The following ZXDC variants were observed in gnomAD, a reference collection of about 807,000 sequenced individuals.
ZXDC encodes the protein ZXD family zinc finger C, also known as zinc finger protein ZXDC.
Under a neutral mutation model 63.6 loss-of-function variants are expected in ZXDC, and 58 were observed. The ratio of observed to expected loss-of-function variants is 0.91; its 90% confidence interval spans 0.74 to 1.13. The LOEUF (loss-of-function observed/expected upper bound fraction) is 1.13, where lower values mean the gene tolerates loss of function less well. Among genes scored for constraint, ZXDC ranks in the 50% most tolerant of loss-of-function variants. The pLI is 0.00. For missense variants in ZXDC, 1,133 were observed against 1,148.9 expected, an observed-to-expected ratio of 0.99 and a Z score of 0.20; for synonymous variants, 561 against 496.1, an observed-to-expected ratio of 1.13 and a Z score of -1.74.
chr3:126,438,208 T>C lies in ZXDC; in HGVS notation c.*167A>G, dbSNP rs11711529. 1.5e-6 allele frequency: 1 copy of C among 656,868 alleles called. No individual in the cohort carries two copies. Among genetic ancestry groups the C allele is most frequent in the African/African-American group, 1.8e-5 (1 of 55,206 alleles). The allele number at this position is 656,868 out of a possible 1,614,324, so 40.7% of individuals were successfully genotyped here. On this transcript the variant is annotated 3_prime_UTR_variant, in exon 10 of 10. Coordinates refer to ENST00000389709, the MANE Select transcript of ZXDC (RefSeq NM_025112.5). ...GAGTATAGCCCGAACTCATTCCTGG[T>C]AAAACAAAAGGAAAACATTTTTGAT...
rs946148635 is a variant in ZXDC, at chr3:126,454,882, TAAAG to T, written c.2212+4767_2212+4770del. The T allele has an allele frequency of 2.9e-5, 29 of 985,440 alleles. No individual in the cohort carries two copies. In the Middle Eastern group the frequency reaches 1.6e-3, roughly 53 times the overall value. 61.0% of individuals were successfully genotyped at this position (985,440 alleles called of 1,614,324 possible). On this transcript the variant is annotated intron_variant, in intron 7 of 9. Transcript: ENST00000389709. The stretch of plus-strand genomic sequence containing the variant: ...AAGGGGAGAATCTCAATACTCAAGA[TAAAG>T]AAATTCACACATTTTATTTTCTACA...
chr3:126,457,748 G>C, intron 7 of ZXDC: 2 of 732,884 alleles, frequency 2.7e-6, no homozygotes, highest in Non-Finnish European at 3.3e-6. Context: ...CCACCGTTTA[G>C]AGTAACCCCT....
chr3:126,441,228 G>GGGGCCT (rs1202515788), intron 8 of ZXDC: 9 of 985,772 alleles, frequency 9.1e-6, no homozygotes, highest in Non-Finnish European at 1.1e-5. Flanking sequence ...CAGGCTGGGA[G>GGGGCCT]GGGCCTGGGC....
At chr3:126,453,606 T>C in intron 7 of ZXDC, 1 of 985,448 alleles carries the variant, frequency 1.0e-6, no homozygotes. Context: ...AGGAGAAAGC[T>C]GAACGTGCAG....
Position 126,475,417 on chromosome 3 carries a change from G to A in ZXDC, c.449C>T (p.Pro150Leu). 8.4e-7 allele frequency: 1 copy of A among 1,185,416 alleles called. No individual in the cohort carries two copies. The highest frequency in any genetic ancestry group is 1.0e-6 in the Non-Finnish European group (1 of 958,304). The allele number at this position is 1,185,416 out of a possible 1,614,324, so 73.4% of individuals were successfully genotyped here. ...LDRGVLALSA[P>L]PGPATAGAAA... ...GGCGCCCGCGGTTGCGGGGCCGGGC[G>A]GCGCAGACAGCGCGAGGACGCCGCG... is the stretch of plus-strand genomic sequence containing the variant. The change falls in exon 1 of 10, where the codon CCG (proline) becomes CTG (leucine). Residue 150 changes from proline (P) to leucine (L), a missense_variant. Coordinates refer to ENST00000389709, the MANE Select transcript of ZXDC (RefSeq NM_025112.5).
At chr3:126,440,916 T>C (rs1289368205) in intron 8 of ZXDC, 2 of 985,496 alleles carry the variant, frequency 2.0e-6, no homozygotes, top group African/African-American at 1.7e-5. Flanking sequence ...AACGTGCCTG[T>C]TTCCCAACTC....
rs774684129 is a variant in ZXDC, at chr3:126,472,238, T to C, written c.975A>G (p.Gln325=). The change falls in exon 2 of 10, where the codon CAA becomes CAG. Residue 325 remains glutamine (Q), a synonymous_variant. Coordinates refer to ENST00000389709, the MANE Select transcript of ZXDC (RefSeq NM_025112.5). ...CAGGAAAGGAGCAGGAAAAGAGCTC[T>C]TGTTCCCTGAAGTGGGCTCGGTTAT... The part of the protein sequence containing the change: ...FSHNRAHFRE[Q]ELFSCSFPGC... 5 of 1,613,618 alleles carry C rather than the reference T, an allele frequency of 3.1e-6. No homozygotes were observed. Among genetic ancestry groups the C allele is most frequent in the Non-Finnish European group, 4.2e-6 (5 of 1,179,490 alleles).
chr3:126,448,877 G>A (rs961744363), intron 7 of ZXDC, among the ~76,000 whole-genome samples: 2 of 152,256 alleles, frequency 1.3e-5, no homozygotes, highest in African/African-American at 4.8e-5. Flanking sequence ...GAAGCGCTGA[G>A]AGGAGCCTGG....
chr3:126,450,533 A>C (rs778386939), intron 7 of ZXDC: 5 of 456,598 alleles, frequency 1.1e-5, no homozygotes, highest in South Asian at 7.7e-5. Flanking sequence ...CACAGGAGCC[A>C]CATGCATGTG....
At chr3:126,455,987 A>G (rs1934292272) in intron 7 of ZXDC, among the ~76,000 whole-genome samples, 2 of 152,030 alleles carry the variant, frequency 1.3e-5, no homozygotes, top group Non-Finnish European at 2.9e-5. Context: ...GCGACAGAGC[A>G]AGACTCCATC....
intron 7 of ZXDC, chr3:126,450,613 AGGGCCCCT>A (rs1278846324): frequency 6.7e-6 from 3 of 446,458 alleles, no homozygotes; most frequent in Admixed American, 4.8e-5. Flanking sequence ...CTGCTGACCC[AGGGCCCCT>A]ACCCGCATCT....
chr3:126,460,698 C>A, intron 6 of ZXDC: 1 of 985,374 alleles, frequency 1.0e-6, no homozygotes. Context: ...AAGCAAGACA[C>A]CAGAAATGCA....
Position 126,461,848 on chromosome 3 carries a change from C to T in ZXDC, c.1814G>A (p.Ser605Asn), listed in dbSNP as rs202103851. ...SFSVDDVQTV[S>N]AGALGCLVAL... ...CACCAGACAGCCTAATGCTCCTGCA[C>T]TCACAGTCTGCACGTCATCCACACT... Residue 605 changes from serine to asparagine, a missense_variant, in exon 6 of 10, where the codon AGT (serine) becomes AAT (asparagine). Physicochemically the swap from Ser to Asn is conservative, Grantham distance 46. Coordinates refer to ENST00000389709, the MANE Select transcript of ZXDC (RefSeq NM_025112.5). The T allele has an allele frequency of 2.9e-4, 468 of 1,614,094 alleles. 1 individual carries two copies. The highest frequency in any genetic ancestry group is 3.6e-4 in the Non-Finnish European group (426 of 1,180,044).
chr3:126,443,611 A>G (rs1210156227), intron 7 of ZXDC, among the ~76,000 whole-genome samples: 1 of 152,232 alleles, frequency 6.6e-6, no homozygotes, highest in African/African-American at 2.4e-5. Flanking sequence ...AATTTGTAAA[A>G]AGCAAAAAAA....
At chr3:126,450,133 C>T (rs1467945335) in intron 7 of ZXDC, 1 of 353,998 alleles carries the variant, frequency 2.8e-6, no homozygotes, top group African/African-American at 2.1e-5. Context: ...TGTCCAGAGT[C>T]TGCAAGGGGT....
chr3:126,438,989 G>A (rs1399304989), intron 9 of ZXDC, among the ~76,000 whole-genome samples: 1 of 152,212 alleles, frequency 6.6e-6, no homozygotes, highest in Non-Finnish European at 1.5e-5. Context: ...GCAGGATGGA[G>A]CAGACACTTC....
chr3:126,450,949 C>G (rs1434246476), intron 7 of ZXDC, among the ~76,000 whole-genome samples: 1 of 152,150 alleles, frequency 6.6e-6, no homozygotes. Context: ...GTGGCCACAA[C>G]AGTGCTCCAG....
chr3:126,454,295 C>T, intron 7 of ZXDC: 1 of 984,428 alleles, frequency 1.0e-6, no homozygotes, highest in Non-Finnish European at 1.2e-6. Context: ...TTTCTATTGG[C>T]TTTTACATTG....
At position 126,475,580 on chromosome 3, in the gene ZXDC, C is replaced by A; in HGVS notation, c.286G>T (p.Ala96Ser). ...AGGTTGACACGGGAGCCAGGCTCGGCCTCCTGTGATCCGGCAGCCTCGGCG... is the reference window on the plus strand; with the variant it reads ...AGGTTGACACGGGAGCCAGGCTCGGACTCCTGTGATCCGGCAGCCTCGGCG... The part of the protein sequence containing the change: ...AAAEAAGSQE[A>S]EPGSRVNLAS... Residue 96 changes from alanine (A) to serine (S), a missense_variant, in exon 1 of 10, where the codon GCC (alanine) becomes TCC (serine). Physicochemically the swap from Ala to Ser is moderately conservative, Grantham distance 99. Coordinates refer to ENST00000389709, the MANE Select transcript of ZXDC (RefSeq NM_025112.5). 2 of 1,447,886 alleles carry A rather than the reference C, an allele frequency of 1.4e-6. No homozygotes were observed. The highest frequency in any genetic ancestry group is 1.8e-6 in the Non-Finnish European group (2 of 1,096,160). 89.7% of individuals were successfully genotyped at this position (1,447,886 alleles called of 1,614,324 possible).
Sources: allele counts gnomAD v4.1 joint callset (sites outside exome capture counted in the v4.1 genomes callset), GRCh38; gene constraint gnomAD v4.1.1; transcripts MANE v1.5; gene names NCBI Gene and HGNC (gene_info 2026-07-23, HGNC 2026-07-21).